Variants in SLC7A6OS observed in about 807,000 individuals in gnomAD.
The protein encoded by SLC7A6OS is solute carrier family 7 member 6 opposite strand.
A neutral mutation model predicts 34.3 loss-of-function variants in SLC7A6OS; 22 were observed. The observed-to-expected ratio is 0.64, with a 90% CI of 0.46 to 0.92. The LOEUF is 0.92. Ranked by LOEUF, SLC7A6OS falls within the 40% of genes least tolerant of loss-of-function variation. SLC7A6OS has a pLI of 0.00. For synonymous variants in SLC7A6OS, 199 were observed against 165.0 expected, an observed-to-expected ratio of 1.21 and a Z score of -1.58; for missense variants, 434 against 407.7, an observed-to-expected ratio of 1.06 and a Z score of -0.56.
intron 2 of SLC7A6OS, among the ~76,000 whole-genome samples, chr16:68,309,101 GT>G (rs757280888): frequency 6.1e-5 from 9 of 146,818 alleles, no homozygotes; most frequent in Admixed American, 6.8e-5. Context: ...GAATTTTCTG[GT>G]TTTTTTTTTA....
chr16:68,304,050 C>A lies in SLC7A6OS; in HGVS notation c.654G>T (p.Gln218His), dbSNP rs771210829. ...CCAGCTCCCATTCTTGGCTGTAGGG[C>A]TGCACGGAGAGGATGTTCTCAATCC... is the stretch of plus-strand genomic sequence containing the variant. ...PGWIENILSV[Q>H]PYSQEWELVN... The change falls in exon 3 of 5, where the codon CAG (glutamine) becomes CAT (histidine). Residue 218 changes from glutamine to histidine, a missense_variant. Gln to His is a conservative substitution (Grantham distance 24). Coordinates refer to ENST00000263997, the MANE Select transcript of SLC7A6OS (RefSeq NM_032178.3). 44 of 1,613,582 alleles carry A rather than the reference C, an allele frequency of 2.7e-5. No homozygotes were observed. In the South Asian group the frequency reaches 4.3e-4, roughly 16 times the overall value.
At chr16:68,306,583 TG>T (rs1351957272) in intron 2 of SLC7A6OS, among the ~76,000 whole-genome samples, 2 of 152,264 alleles carry the variant, frequency 1.3e-5, no homozygotes, top group Middle Eastern at 3.4e-3. Context: ...TAGCCTTAGA[TG>T]ATCTTTCTGT....
intron 2 of SLC7A6OS, among the ~76,000 whole-genome samples, chr16:68,309,986 G>A (rs957266926): frequency 6.6e-5 from 10 of 152,152 alleles, no homozygotes; most frequent in Admixed American, 6.6e-4. Context: ...TCACTCAAAT[G>A]TCATTTCCTC....
chr16:68,300,664 A>G lies in SLC7A6OS; in HGVS notation c.*611T>C, dbSNP rs1174124514. Reference sequence around the variant, plus strand: ...CTAAACACATGTATCACATTCATATATATTGTTTCTTGGCCCCACTGCCAA... The same window carrying G: ...CTAAACACATGTATCACATTCATATGTATTGTTTCTTGGCCCCACTGCCAA... On this transcript the variant is annotated 3_prime_UTR_variant, in exon 5 of 5. Transcript: ENST00000263997. The G allele has an allele frequency of 2.0e-6, 2 of 985,314 alleles. No individual in the cohort carries two copies. Among genetic ancestry groups the G allele is most frequent in the African/African-American group, 1.7e-5 (1 of 57,220 alleles). The allele number at this position is 985,314 out of a possible 1,614,324, so 61.0% of individuals were successfully genotyped here. A position where few individuals can be genotyped will look rare whatever the true frequency, so the allele number is the denominator to read the frequency against.
rs1483440826 is a variant in SLC7A6OS, at chr16:68,298,353, C to A, written c.*2922G>T. 6.6e-6 allele frequency: 1 copy of A among 152,638 alleles called. No homozygotes were observed. The highest frequency in any genetic ancestry group is 1.9e-4 in the East Asian group (1 of 5,192). 9.5% of individuals were successfully genotyped at this position (152,638 alleles called of 1,614,324 possible). ...AGAACATCTCATGGGCCCAAGTCAT[C>A]AAATAACCTGTTCCTCTCTGTAAGG... On this transcript the variant is annotated 3_prime_UTR_variant, in exon 5 of 5. Coordinates refer to ENST00000263997, the MANE Select transcript of SLC7A6OS (RefSeq NM_032178.3).
At chr16:68,307,471 A>C (rs1739921628) in intron 2 of SLC7A6OS, among the ~76,000 whole-genome samples, 1 of 152,216 alleles carries the variant, frequency 6.6e-6, no homozygotes, top group South Asian at 2.1e-4. Flanking sequence ...AAATTGTGTC[A>C]ATTTAAGGAG....
At chr16:68,304,689 C>T (rs970795567) in intron 2 of SLC7A6OS, among the ~76,000 whole-genome samples, 1 of 152,146 alleles carries the variant, frequency 6.6e-6, no homozygotes, top group African/African-American at 2.4e-5. Context: ...TTAATTATTA[C>T]ATTAAAAAAT....
chr16:68,305,928 C>T (rs2043322838), intron 2 of SLC7A6OS, among the ~76,000 whole-genome samples: 1 of 152,106 alleles, frequency 6.6e-6, no homozygotes, highest in Non-Finnish European at 1.5e-5. Context: ...TGTGGTAGCG[C>T]AGGCCTGTGG....
intron 2 of SLC7A6OS, among the ~76,000 whole-genome samples, chr16:68,309,033 C>CAGAGTG (rs2043349933): frequency 1.5e-5 from 2 of 134,748 alleles, no homozygotes; most frequent in African/African-American, 5.7e-5. Flanking sequence ...GCCTGGGCAA[C>CAGAGTG]AGAGTGAGAC....
rs2043452198 is a variant in SLC7A6OS, at chr16:68,310,379, G to C, written c.427C>G (p.His143Asp). ...NSGFQLLDLV[H>D]EEGEPEAASA... ...GCGGCTTCAGGTTCTCCCTCCTCGT[G>C]GACAAGGTCTAACAACTGAAAGCCC... is the stretch of plus-strand genomic sequence containing the variant. Residue 143 changes from histidine to aspartate, a missense_variant, in exon 2 of 5, where the codon CAC (histidine) becomes GAC (aspartate). Physicochemically the swap from His to Asp is moderately conservative, Grantham distance 81. Transcript: ENST00000263997. 6.2e-7 allele frequency: 1 copy of C among 1,610,794 alleles called. No individual in the cohort carries two copies.
intron 2 of SLC7A6OS, among the ~76,000 whole-genome samples, chr16:68,306,460 A>G (rs2043327188): frequency 1.3e-5 from 2 of 151,922 alleles, no homozygotes; most frequent in African/African-American, 4.8e-5. Flanking sequence ...CTCATGATCC[A>G]CCCACCTTGG....
rs941610213 is a variant in SLC7A6OS, at chr16:68,299,806, T to G, written c.*1469A>C. The G allele has an allele frequency of 6.6e-6, 1 of 152,186 alleles. No homozygotes were observed. The highest frequency in any genetic ancestry group is 1.5e-5 in the Non-Finnish European group (1 of 68,032). The allele number at this position is 152,186 out of a possible 1,614,324, so 9.4% of individuals were successfully genotyped here. On this transcript the variant is annotated 3_prime_UTR_variant, in exon 5 of 5. Coordinates refer to ENST00000263997, the MANE Select transcript of SLC7A6OS (RefSeq NM_032178.3). Reference sequence around the variant, plus strand: ...CCTGTTATAACGGTGAATTATACCTTTGTGCATGCCTAGGATGTTTGTTGT... The same window carrying G: ...CCTGTTATAACGGTGAATTATACCTGTGTGCATGCCTAGGATGTTTGTTGT...
chr16:68,299,703 G>A lies in SLC7A6OS; in HGVS notation c.*1572C>T, dbSNP rs1023359795. On this transcript the variant is annotated 3_prime_UTR_variant, in exon 5 of 5. Coordinates refer to ENST00000263997, the MANE Select transcript of SLC7A6OS (RefSeq NM_032178.3). ...TGTTTTTTTCACCCGGTTGCTGTATGAGAATGGCTTTCAATCCTTTGTTTC... is the reference window on the plus strand; with the variant it reads ...TGTTTTTTTCACCCGGTTGCTGTATAAGAATGGCTTTCAATCCTTTGTTTC... The A allele has an allele frequency of 2.0e-5, 3 of 152,160 alleles. No individual in the cohort carries two copies. Among genetic ancestry groups the A allele is most frequent in the African/African-American group, 7.2e-5 (3 of 41,426 alleles). The allele number at this position is 152,160 out of a possible 1,614,324, so 9.4% of individuals were successfully genotyped here. A position where few individuals can be genotyped will look rare whatever the true frequency, so the allele number is the denominator to read the frequency against.
rs764496408 is a variant in SLC7A6OS at position 68,302,421 on chromosome 16, G to A, written c.759C>T (p.Tyr253=). The A allele has an allele frequency of 1.9e-6, 3 of 1,614,112 alleles. No homozygotes were observed. In the South Asian group the frequency reaches 3.3e-5, roughly 18 times the overall value. The change falls in exon 4 of 5, where the codon TAC becomes TAT. Residue 253 remains tyrosine, a synonymous_variant. Transcript: ENST00000263997. ...ENSENNWRNE[Y]PEEESSDGDE... ...CTCCATCACTGCTCTCCTCCTCTGGGTACTCATTGCGCCAGTTATTCTCAC... is the reference window on the plus strand; with the variant it reads ...CTCCATCACTGCTCTCCTCCTCTGGATACTCATTGCGCCAGTTATTCTCAC...
rs779979792 is a variant in SLC7A6OS at position 68,301,302 on chromosome 16, G to A, written c.903C>T (p.Asp301=). The change falls in exon 5 of 5, where the codon GAC becomes GAT. Residue 301 remains aspartate, a synonymous_variant. Coordinates refer to ENST00000263997, the MANE Select transcript of SLC7A6OS (RefSeq NM_032178.3). ...AGTCTGAATCCAGGTCGTGGGGGCT[G>A]TCATAGCCGAACTCCTTCTGCACAT... is the stretch of plus-strand genomic sequence containing the variant. ...PLDVQKEFGY[D]SPHDLDSD is the part of the protein sequence containing the mutation. 4 of 1,614,064 alleles carry A rather than the reference G, an allele frequency of 2.5e-6. No homozygotes were observed. Among genetic ancestry groups the A allele is most frequent in the Middle Eastern group, 3.3e-4 (2 of 6,060 alleles).
intron 2 of SLC7A6OS, 25 bp from the exon 3 acceptor site, chr16:68,304,257 A>C (rs1267561123): frequency 1.2e-6 from 2 of 1,600,030 alleles, no homozygotes; most frequent in Non-Finnish European, 1.7e-6. Flanking sequence ...CAGATTACAC[A>C]CACACGCATG....
Position 68,300,635 on chromosome 16 carries a change from T to G in SLC7A6OS, c.*640A>C. 1.0e-6 allele frequency: 1 copy of G among 985,428 alleles called. No individual in the cohort carries two copies. Among genetic ancestry groups the G allele is most frequent in the Non-Finnish European group, 1.2e-6 (1 of 829,924 alleles). 61.0% of individuals were successfully genotyped at this position (985,428 alleles called of 1,614,324 possible). ...CTTTCTTCCATGTTCAAAGCTAGATTTTACTAAACACATGTATCACATTCA... is the reference window on the plus strand; with the variant it reads ...CTTTCTTCCATGTTCAAAGCTAGATGTTACTAAACACATGTATCACATTCA... On this transcript the variant is annotated 3_prime_UTR_variant, in exon 5 of 5. Transcript: ENST00000263997.
At chr16:68,303,929 A>G (rs1292183015) in intron 3 of SLC7A6OS, 97 bp downstream of exon 3, 18 of 1,098,000 alleles carry the variant, frequency 1.6e-5, no homozygotes, top group Non-Finnish European at 2.4e-5. Context: ...AACTAAGGAC[A>G]ATGTTGTTCG....
intron 2 of SLC7A6OS, among the ~76,000 whole-genome samples, chr16:68,305,926 C>T (rs1337825084): frequency 6.6e-6 from 1 of 152,022 alleles, no homozygotes; most frequent in Non-Finnish European, 1.5e-5. Flanking sequence ...GGTGTGGTAG[C>T]GCAGGCCTGT....
Sources: allele counts gnomAD v4.1 joint callset (sites outside exome capture counted in the v4.1 genomes callset), GRCh38; gene constraint gnomAD v4.1.1; transcripts MANE v1.5; gene names NCBI Gene and HGNC (gene_info 2026-07-23, HGNC 2026-07-21).